Variants in MCCC1 observed in about 807,000 individuals in gnomAD.
MCCC1 encodes methylcrotonoyl-CoA carboxylase subunit alpha, mitochondrial.
A neutral mutation model predicts 83.8 loss-of-function variants in MCCC1; 64 were observed. The observed-to-expected ratio is 0.76, with a 90% CI of 0.62 to 0.94. The LOEUF is 0.94. MCCC1 is among the 40% of genes least tolerant of loss of function. The pLI, the probability that MCCC1 is intolerant of heterozygous loss-of-function variation, is 0.00. For missense variants in MCCC1, 807 were observed against 904.7 expected (o/e 0.89, Z 1.39); for synonymous variants, 322 against 315.4 (o/e 1.02, Z -0.22).
rs770205544 is a variant in MCCC1, at chr3:183,057,353, A to C, written c.831T>G (p.Ser277Arg). Residue 277 changes from serine to arginine, a missense_variant, in exon 8 of 19, where the codon AGT (serine) becomes AGG (arginine). By Grantham distance (110) the Ser-to-Arg change is moderately radical (BLOSUM62 -1). Coordinates refer to ENST00000265594, the MANE Select transcript of MCCC1 (RefSeq NM_020166.5). ...NAVYLFERDC[S>R]VQRRHQKIIE... ...TGATCTTCTGATGTCGCCTCTGCACACTACAGTCTCTTTCAAACAAGTACA... is the reference window on the plus strand; with the variant it reads ...TGATCTTCTGATGTCGCCTCTGCACCCTACAGTCTCTTTCAAACAAGTACA... 4 of 1,610,688 alleles carry C rather than the reference A, an allele frequency of 2.5e-6. No homozygotes were observed. The East Asian group carries it at 8.9e-5, about 36-fold the overall frequency.
intron 7 of MCCC1, among the ~76,000 whole-genome samples, chr3:183,061,525 C>T (rs934035208): frequency 6.6e-5 from 10 of 152,140 alleles, no homozygotes; most frequent in African/African-American, 7.2e-5. Context: ...AGTGGGAGGT[C>T]CCTCTAAGAC....
At chr3:183,073,273 G>A (rs1006891841) in intron 4 of MCCC1, among the ~76,000 whole-genome samples, 1 of 152,156 alleles carries the variant, frequency 6.6e-6, no homozygotes, top group African/African-American at 2.4e-5. Context: ...AGGGTAGAAT[G>A]TCAAGAAGTA....
At chr3:183,111,566 C>T (rs1719493040) in intron 1 of MCCC1, among the ~76,000 whole-genome samples, 2 of 152,172 alleles carry the variant, frequency 1.3e-5, no homozygotes. Context: ...TCCCAAAGTG[C>T]TGGGATTACA....
chr3:183,024,646 A>G (rs1349914185), intron 15 of MCCC1, among the ~76,000 whole-genome samples: 1 of 152,128 alleles, frequency 6.6e-6, no homozygotes, highest in African/African-American at 2.4e-5. Context: ...CCAGAAAATA[A>G]TAAGTAGTGG....
rs1211090954 is a variant in MCCC1, at chr3:183,060,216, T to C, written c.762-2794A>G. On this transcript the variant is annotated intron_variant, in intron 7 of 18. Coordinates refer to ENST00000265594, the MANE Select transcript of MCCC1 (RefSeq NM_020166.5). ...TTTGGGAAAGTTCTATTTATCTATG[T>C]TCAGGATCACTGATTTTTGTTGTTG... 2.6e-5 allele frequency among the ~76,000 whole-genome samples: 4 copies of C among 152,242 alleles called. No homozygotes were observed. In the East Asian group the frequency reaches 7.7e-4, roughly 29 times the overall value.
chr3:183,104,287 C>T (rs938093996), upstream of MCCC1, among the ~76,000 whole-genome samples: 4 of 152,312 alleles, frequency 2.6e-5, no homozygotes, highest in African/African-American at 4.8e-5. Flanking sequence ...GCTGTGAGGA[C>T]TGCCAGCACG....
chr3:183,109,269 G>A (rs931368219), intron 1 of MCCC1, among the ~76,000 whole-genome samples: 6 of 152,120 alleles, frequency 3.9e-5, no homozygotes, highest in Non-Finnish European at 8.8e-5. Flanking sequence ...TGGGATTACA[G>A]GCGTGAGCCA....
At chr3:183,035,462 CTT>C (rs1713492378) in intron 13 of MCCC1, among the ~76,000 whole-genome samples, 1 of 151,132 alleles carries the variant, frequency 6.6e-6, no homozygotes, top group South Asian at 2.1e-4. Context: ...TTCAGTATCA[CTT>C]ACCCAAAATG....
chr3:183,075,350 T>C (rs1451726121), intron 4 of MCCC1, among the ~76,000 whole-genome samples: 2 of 152,178 alleles, frequency 1.3e-5, no homozygotes, highest in Non-Finnish European at 2.9e-5. Context: ...AAGCGTTCCC[T>C]TTTCTCCACA....
chr3:183,058,407 G>C (rs940925895), intron 7 of MCCC1, among the ~76,000 whole-genome samples: 1 of 152,116 alleles, frequency 6.6e-6, no homozygotes, highest in Non-Finnish European at 1.5e-5. Context: ...CTTGAACCCA[G>C]GAGTTCAAGA....
At chr3:183,104,028 C>T (rs545477387), upstream of MCCC1, among the ~76,000 whole-genome samples, 13 of 152,216 alleles carry the variant, frequency 8.5e-5, no homozygotes, top group South Asian at 2.3e-3. Context: ...CAGGGCCGGC[C>T]GGCTACTCCG....
chr3:183,041,792 C>T lies in MCCC1; in HGVS notation c.1084-42G>A, dbSNP rs765945581. On this transcript the variant is annotated intron_variant, in intron 10 of 18. Coordinates refer to ENST00000265594, the MANE Select transcript of MCCC1 (RefSeq NM_020166.5). ...GTTTCTTATGAAATCTACCGTATAGCGGCTACCAGACTTAGTAAATCAATG... is the reference window on the plus strand; with the variant it reads ...GTTTCTTATGAAATCTACCGTATAGTGGCTACCAGACTTAGTAAATCAATG... 265 of 1,606,192 alleles carry T rather than the reference C, an allele frequency of 1.6e-4. 3 individuals are homozygous for T. In the South Asian group the frequency reaches 2.6e-3, roughly 16 times the overall value.
intron 3 of MCCC1, chr3:183,090,951 T>TGG (rs1217888963): frequency 1.1e-5 from 5 of 456,022 alleles, no homozygotes; most frequent in Non-Finnish European, 2.2e-5. Flanking sequence ...ATGGGAAAGA[T>TGG]GGATGCAGAC....
chr3:183,102,645 GC>G (rs1384036329), upstream of MCCC1, among the ~76,000 whole-genome samples: 95 of 150,830 alleles, frequency 6.3e-4, no homozygotes, highest in Non-Finnish European at 6.2e-4. Flanking sequence ...CTGGATCCCT[GC>G]TTACTTCTTA....
intron 7 of MCCC1, among the ~76,000 whole-genome samples, chr3:183,067,473 T>C (rs546733125): frequency 6.6e-6 from 1 of 152,362 alleles, no homozygotes; most frequent in South Asian, 2.1e-4. Context: ...AGCAAATCAG[T>C]CTTACCATGA....
chr3:183,050,839 T>C (rs949140734), intron 9 of MCCC1, among the ~76,000 whole-genome samples: 1 of 151,046 alleles, frequency 6.6e-6, no homozygotes, highest in South Asian at 2.1e-4. Context: ...AACTCAACAA[T>C]AGGAAAACAA....
intron 1 of MCCC1, among the ~76,000 whole-genome samples, chr3:183,114,823 C>T (rs1279766638): frequency 6.6e-6 from 1 of 152,130 alleles, no homozygotes; most frequent in Non-Finnish European, 1.5e-5. Context: ...GTTGTTGTTG[C>T]TGTTGCTTTA....
At chr3:183,041,847 AT>A in intron 10 of MCCC1, 97 bp from the exon 11 acceptor site, 2 of 1,413,532 alleles carry the variant, frequency 1.4e-6, no homozygotes, top group Non-Finnish European at 1.0e-6. Flanking sequence ...TAAAATGTAC[AT>A]TTAGGTTTTG....
At chr3:183,040,086 A>G (rs1713947712) in intron 11 of MCCC1, among the ~76,000 whole-genome samples, 1 of 139,496 alleles carries the variant, frequency 7.2e-6, no homozygotes, top group Non-Finnish European at 1.5e-5. Flanking sequence ...ACAAGAGTGA[A>G]ACTCCATCTC....
Sources: gnomAD v4.1 joint callset for allele counts (sites outside exome capture counted in the v4.1 genomes callset) on GRCh38, gnomAD v4.1.1 for gene constraint, MANE v1.5 for transcripts, NCBI Gene and HGNC (gene_info 2026-07-23, HGNC 2026-07-21) for gene names.